Variants in MCUB observed in about 807,000 individuals in gnomAD.
The protein encoded by MCUB is mitochondrial calcium uniporter dominant negative subunit beta, also known as calcium uniporter regulatory subunit MCUb, mitochondrial.
MCUB carries 46 observed loss-of-function variants against 41.4 expected under a neutral mutation model. The ratio of observed to expected loss-of-function variants is 1.11; its 90% CI spans 0.88 to 1.42. The LOEUF (loss-of-function observed/expected upper bound fraction) is 1.42, where lower values mean the gene tolerates loss of function less well. Ranked by LOEUF, MCUB falls within the 40% of genes most tolerant of loss-of-function variation. The pLI, the probability that MCUB is intolerant of heterozygous loss-of-function variation, is 0.00. For synonymous variants in MCUB, 148 were observed against 148.2 expected (o/e 1.00, Z 0.01); for missense variants, 403 against 404.9 (o/e 1.00, Z 0.04).
At chr4:109,651,657 A>T (rs569104819) in intron 1 of MCUB, among the ~76,000 whole-genome samples, 1 of 152,288 alleles carries the variant, frequency 6.6e-6, no homozygotes, top group East Asian at 1.9e-4. Context: ...ACATTATTAC[A>T]CATTAAAAAC....
rs189821558 is a variant in MCUB at position 109,673,359 on chromosome 4, A to G, written c.451+8965A>G. 2.0e-5 allele frequency among the ~76,000 whole-genome samples: 3 copies of G among 152,012 alleles called. No individual in the cohort carries two copies. The East Asian group carries it at 5.8e-4, about 29-fold the overall frequency. ...TTAGGTCTAAGTGGGATAAAGCACA[A>G]CCTCCGCACTCCTGCCCACTCATTA... On this transcript the variant is annotated intron_variant, in intron 4 of 7. Coordinates refer to ENST00000394650, the MANE Select transcript of MCUB (RefSeq NM_017918.5).
intron 4 of MCUB, among the ~76,000 whole-genome samples, chr4:109,679,580 G>T (rs1336648576): frequency 6.6e-6 from 1 of 152,210 alleles, no homozygotes; most frequent in Non-Finnish European, 1.5e-5. Context: ...CGAGATCATG[G>T]CAGTACAGTC....
At position 109,675,024 on chromosome 4, in the gene MCUB, C is replaced by A. The variant is rs143635979; in HGVS notation, c.452-7558C>A. 5.1e-3 allele frequency among the ~76,000 whole-genome samples: 775 copies of A among 152,276 alleles called. 3 individuals are homozygous for A. Among genetic ancestry groups the A allele is most frequent in the African/African-American group, 0.018 (735 of 41,564 alleles). On this transcript the variant is annotated intron_variant, in intron 4 of 7. Coordinates refer to ENST00000394650, the MANE Select transcript of MCUB (RefSeq NM_017918.5). ...TCACACTTGTGAAATTCTCTTGTCT[C>A]ATCTGAATTTAATTCCATAGTGATA...
At chr4:109,674,523 T>C (rs1010158463) in intron 4 of MCUB, among the ~76,000 whole-genome samples, 2 of 152,240 alleles carry the variant, frequency 1.3e-5, no homozygotes, top group South Asian at 2.1e-4. Context: ...AATTCAACTT[T>C]TGTCTGCGTG....
Position 109,659,041 on chromosome 4 carries a change from A to C in MCUB, c.130A>C (p.Lys44Gln). 1 of 1,543,316 alleles carries C rather than the reference A, an allele frequency of 6.5e-7. No homozygotes were observed. Among genetic ancestry groups the C allele is most frequent in the Non-Finnish European group, 8.8e-7 (1 of 1,139,270 alleles). ...GCGTGTGAAGCTGTGTGGAAATGTGAAATACTACCAGTCACACCATTATAG... is the reference window on the plus strand; with the variant it reads ...GCGTGTGAAGCTGTGTGGAAATGTGCAATACTACCAGTCACACCATTATAG... ...VLRVKLCGNV[K>Q]YYQSHHYSTV... The change falls in exon 2 of 8, where the codon AAA becomes CAA. Residue 44 changes from lysine (K) to glutamine (Q), a missense_variant. By Grantham distance (53) the Lys-to-Gln change is moderately conservative. Transcript: ENST00000394650.
intron 1 of MCUB, among the ~76,000 whole-genome samples, chr4:109,576,704 C>T (rs1428303512): frequency 1.3e-5 from 2 of 152,058 alleles, no homozygotes; most frequent in African/African-American, 4.8e-5. Context: ...AGTTTATACA[C>T]AAAGGATGAT....
intron 3 of MCUB, among the ~76,000 whole-genome samples, chr4:109,660,637 A>T (rs555261606): frequency 6.6e-6 from 1 of 152,106 alleles, no homozygotes; most frequent in African/African-American, 2.4e-5. Context: ...ACCAACATGG[A>T]GAAACCCCGT....
chr4:109,667,405 A>G (rs1192125913), intron 4 of MCUB, among the ~76,000 whole-genome samples: 2 of 151,690 alleles, frequency 1.3e-5, no homozygotes, highest in Non-Finnish European at 2.9e-5. Context: ...TTTTCCTTTT[A>G]ATGTCCATGG....
intron 1 of MCUB, among the ~76,000 whole-genome samples, chr4:109,605,242 A>T (rs1727843427): frequency 1.3e-5 from 2 of 152,040 alleles, no homozygotes; most frequent in African/African-American, 4.8e-5. Flanking sequence ...TTCATGGTTC[A>T]ATCTTGGTAG....
intron 4 of MCUB, 67 bp from the exon 5 acceptor site, chr4:109,682,515 C>G (rs564981573): frequency 8.3e-6 from 11 of 1,323,832 alleles, no homozygotes; most frequent in South Asian, 5.7e-5. Flanking sequence ...AATTGGGGAC[C>G]GAAAGATTTA....
chr4:109,660,623 C>G (rs1382533759), intron 3 of MCUB, among the ~76,000 whole-genome samples: 1 of 152,016 alleles, frequency 6.6e-6, no homozygotes, highest in Non-Finnish European at 1.5e-5. Flanking sequence ...TCGAGACCAG[C>G]CCGACCAACA....
intron 1 of MCUB, among the ~76,000 whole-genome samples, chr4:109,610,346 G>A (rs1055724990): frequency 6.6e-6 from 1 of 151,902 alleles, no homozygotes; most frequent in African/African-American, 2.4e-5. Flanking sequence ...TGGTGTTCCT[G>A]TTGGAGGTTG....
chr4:109,566,562 AAG>A (rs1726783950), intron 1 of MCUB, among the ~76,000 whole-genome samples: 1 of 152,210 alleles, frequency 6.6e-6, no homozygotes, highest in Admixed American at 6.5e-5. Context: ...AAGATCATAA[AAG>A]AGAATTTTTC....
intron 3 of MCUB, among the ~76,000 whole-genome samples, chr4:109,662,361 A>G (rs1729248572): frequency 6.6e-6 from 1 of 152,230 alleles, no homozygotes; most frequent in South Asian, 2.1e-4. Flanking sequence ...CAAACCTGGA[A>G]GTCAGAAGGG....
chr4:109,597,899 C>T (rs1342463582), intron 1 of MCUB, among the ~76,000 whole-genome samples: 3 of 150,998 alleles, frequency 2.0e-5, no homozygotes, highest in Non-Finnish European at 4.4e-5. Flanking sequence ...GGCAGAGACG[C>T]TCCTCACCTC....
In MCUB at chr4:109,682,757, C is replaced by G; in HGVS notation, c.612+15C>G. The G allele has an allele frequency of 6.3e-7, 1 of 1,593,950 alleles. No individual in the cohort carries two copies. Among genetic ancestry groups the G allele is most frequent in the South Asian group, 1.1e-5 (1 of 88,038 alleles). ...CCCTTGAACAGGTTAGGAAGCATCA[C>G]GGTTGAGTATATTTGAAAATAATAC... On this transcript the variant is annotated intron_variant, in intron 5 of 7. Coordinates refer to ENST00000394650, the MANE Select transcript of MCUB (RefSeq NM_017918.5).
intron 1 of MCUB, among the ~76,000 whole-genome samples, chr4:109,567,222 A>C (rs1424695828): frequency 6.6e-6 from 1 of 151,936 alleles, no homozygotes; most frequent in African/African-American, 2.4e-5. Flanking sequence ...GCACTGCCCA[A>C]ATCACATTTC....
chr4:109,614,190 A>G (rs960832841), intron 1 of MCUB, among the ~76,000 whole-genome samples: 1 of 152,184 alleles, frequency 6.6e-6, no homozygotes, highest in South Asian at 2.1e-4. Context: ...CCCAAAGTCC[A>G]GAACATTACA....
At chr4:109,587,489 A>C (rs1278788644) in intron 1 of MCUB, among the ~76,000 whole-genome samples, 3 of 152,174 alleles carry the variant, frequency 2.0e-5, no homozygotes, top group Admixed American at 6.5e-5. Context: ...AGTCCCAATG[A>C]GATGAGCCAG....
Sources: gnomAD v4.1 joint callset for allele counts (sites outside exome capture counted in the v4.1 genomes callset) on GRCh38, gnomAD v4.1.1 for gene constraint, MANE v1.5 for transcripts, NCBI Gene and HGNC (gene_info 2026-07-23, HGNC 2026-07-21) for gene names.